PKD1L1: variants seen among roughly 807,000 people sequenced by gnomAD.
PKD1L1 encodes polycystin 1 like 1, transient receptor potential channel interacting, also known as polycystin-1-like protein 1.
Under a neutral mutation model 323.4 loss-of-function variants are expected in PKD1L1, and 236 were observed. That is an observed-to-expected ratio of 0.73 (90% confidence interval 0.66 to 0.81). PKD1L1 has a LOEUF of 0.81. Among genes scored for constraint, PKD1L1 ranks in the 40% least tolerant of loss-of-function variants. The pLI is 0.00. For synonymous variants in PKD1L1, 1,344 were observed against 1,335.0 expected (o/e 1.01, Z -0.15); for missense variants, 3,320 against 3,508.0 (o/e 0.95, Z 1.35).
chr7:47,859,359 G>A (rs1195814733), intron 26 of PKD1L1, among the ~76,000 whole-genome samples: 1 of 152,076 alleles, frequency 6.6e-6, no homozygotes, highest in Non-Finnish European at 1.5e-5. Context: ...CCAAAGAATC[G>A]AGGCTTTTTC....
chr7:47,922,454 C>T (rs985718098), intron 7 of PKD1L1, among the ~76,000 whole-genome samples: 3 of 151,924 alleles, frequency 2.0e-5, no homozygotes, highest in Non-Finnish European at 2.9e-5. Context: ...GTCATCCCGT[C>T]TAGGAAGTGA....
chr7:47,855,593 GGGGCCGGGCGCGGTGGCTC>G (rs1785881576), intron 28 of PKD1L1, among the ~76,000 whole-genome samples: 4 of 144,644 alleles, frequency 2.8e-5, no homozygotes, highest in Non-Finnish European at 4.5e-5. Context: ...ATGCAAGAGT[GGGGCCGGGCGCGGTGGCTC>G]ACGCCTGTAA....
intron 56 of PKD1L1, among the ~76,000 whole-genome samples, chr7:47,781,731 A>G (rs1786702437): frequency 6.6e-6 from 1 of 152,128 alleles, no homozygotes; most frequent in South Asian, 2.1e-4. Context: ...TTCAATTTTT[A>G]AAGTTCCAAT....
intron 14 of PKD1L1, among the ~76,000 whole-genome samples, chr7:47,894,799 A>G (rs1318221144): frequency 6.6e-6 from 1 of 151,054 alleles, no homozygotes; most frequent in East Asian, 1.9e-4. Flanking sequence ...GGGAGGTTGC[A>G]GTGAGCTGAG....
chr7:47,924,384 T>G (rs76770794), intron 7 of PKD1L1, among the ~76,000 whole-genome samples: 6,221 of 152,278 alleles, frequency 0.041, 188 homozygotes, highest in Middle Eastern at 0.075. Context: ...TGGTGTCTCT[T>G]GGTCTACTGA....
chr7:47,823,589 C>T (rs1020313056), intron 45 of PKD1L1, among the ~76,000 whole-genome samples: 1 of 152,146 alleles, frequency 6.6e-6, no homozygotes, highest in Non-Finnish European at 1.5e-5. Flanking sequence ...GGGTAGGTTG[C>T]CTCATAGATG....
intron 11 of PKD1L1, 79 bp from the exon 12 acceptor site, chr7:47,904,696 A>G (rs1478699729): frequency 2.7e-6 from 4 of 1,473,302 alleles, no homozygotes; most frequent in Non-Finnish European, 3.7e-6. Context: ...ACCGTCTGCT[A>G]TACTTTAAGA....
At chr7:47,780,032 A>AT (rs68061607) in intron 56 of PKD1L1, among the ~76,000 whole-genome samples, 257 of 150,816 alleles carry the variant, frequency 1.7e-3, no homozygotes, top group African/African-American at 5.2e-3. Context: ...TTTTTTAATT[A>AT]TTTTTTTTTT....
At chr7:47,903,513 T>C (rs1166249988) in intron 12 of PKD1L1, among the ~76,000 whole-genome samples, 4 of 152,202 alleles carry the variant, frequency 2.6e-5, no homozygotes, top group Non-Finnish European at 5.9e-5. Flanking sequence ...TGAAAATCTA[T>C]TTCTGATGAA....
chr7:47,929,197 A>G lies in PKD1L1; in HGVS notation c.1060+7T>C. ...CAGGCTCCTGATAAGGACACCATGCACCTTACCTTTTGAGTACTGGTGGTA... is the reference window on the plus strand; with the variant it reads ...CAGGCTCCTGATAAGGACACCATGCGCCTTACCTTTTGAGTACTGGTGGTA... On this transcript the variant is annotated splice_region_variant and intron_variant, in intron 7 of 56. Transcript: ENST00000289672. 1 of 1,612,708 alleles carries G rather than the reference A, an allele frequency of 6.2e-7. No individual in the cohort carries two copies.
At chr7:47,798,705 A>C in intron 54 of PKD1L1, among the ~76,000 whole-genome samples, 1 of 151,512 alleles carries the variant, frequency 6.6e-6, no homozygotes, top group African/African-American at 2.4e-5. Flanking sequence ...CAGTGATCTG[A>C]GATCACGCCA....
chr7:47,840,386 G>T lies in PKD1L1; in HGVS notation c.5552+75C>A. On this transcript the variant is annotated intron_variant, in intron 35 of 56. Coordinates refer to ENST00000289672, the MANE Select transcript of PKD1L1 (RefSeq NM_138295.5). This position sits in a 1 kb window ranked among gnomAD's most constrained non-coding sequence, Gnocchi z 4.1. ...CCAATGTTATGTATTCTACTGTTTT[G>T]TATTTGTGATAAGGTTACACCAATT... 9.7e-7 allele frequency: 1 copy of T among 1,035,210 alleles called. No individual in the cohort carries two copies. Among genetic ancestry groups the T allele is most frequent in the Non-Finnish European group, 1.5e-6 (1 of 667,826 alleles). The allele number at this position is 1,035,210 out of a possible 1,614,324, so 64.1% of individuals were successfully genotyped here.
chr7:47,813,043 G>T, intron 49 of PKD1L1, 78 bp downstream of exon 49: 1 of 1,522,278 alleles, frequency 6.6e-7, no homozygotes, highest in Non-Finnish European at 8.9e-7. Flanking sequence ...TGCTGCAGAT[G>T]CGCTGCGTCC....
intron 31 of PKD1L1, among the ~76,000 whole-genome samples, chr7:47,848,345 T>C (rs1183786431): frequency 6.6e-6 from 1 of 151,664 alleles, no homozygotes; most frequent in East Asian, 1.9e-4. Context: ...CACATAGCAG[T>C]TAAAAAAAAA....
At chr7:47,900,279 G>A (rs754219679) in intron 13 of PKD1L1, among the ~76,000 whole-genome samples, 13 of 152,082 alleles carry the variant, frequency 8.5e-5, no homozygotes, top group South Asian at 4.1e-4. Flanking sequence ...CCCTCAGAGC[G>A]GACACATGTG....
At position 47,940,321 on chromosome 7, in the gene PKD1L1, G is replaced by C; in HGVS notation, c.161-4C>G. The C allele has an allele frequency of 6.3e-7, 1 of 1,593,556 alleles. No homozygotes were observed. On this transcript the variant is annotated splice_region_variant and splice_polypyrimidine_tract_variant and intron_variant, in intron 2 of 56. Transcript: ENST00000289672. ...AGCACATGATTAGCATAGACCTCTAGAGAAAAAAAAAAAAGCAAACATTCT... is the reference window on the plus strand; with the variant it reads ...AGCACATGATTAGCATAGACCTCTACAGAAAAAAAAAAAAGCAAACATTCT...
chr7:47,957,973 T>A, the PKD1L1 span, among the ~76,000 whole-genome samples: 1 of 151,562 alleles, frequency 6.6e-6, no homozygotes, highest in Non-Finnish European at 1.5e-5. Context: ...TGGAAAGTTA[T>A]CCTGTGTTCA....
chr7:47,789,151 C>G (rs1786881872), intron 56 of PKD1L1, among the ~76,000 whole-genome samples: 1 of 152,152 alleles, frequency 6.6e-6, no homozygotes, highest in Admixed American at 6.5e-5. Context: ...TGCTGTGGCA[C>G]AGTTTGAAGG....
chr7:47,815,188 G>T, intron 47 of PKD1L1, 146 bp downstream of exon 47: 1 of 1,009,078 alleles, frequency 9.9e-7, no homozygotes, highest in Non-Finnish European at 1.4e-6. Context: ...GCTCTGCTGG[G>T]ACCCACTGGA....
Sources: gnomAD v4.1 joint callset for allele counts (sites outside exome capture counted in the v4.1 genomes callset) on GRCh38, gnomAD v4.1.1 for gene constraint, Gnocchi (gnomAD v3.1) non-coding constraint, MANE v1.5 for transcripts, NCBI Gene and HGNC (gene_info 2026-07-23, HGNC 2026-07-21) for gene names.